Variants in DARS1 observed in about 807,000 individuals in gnomAD.
DARS1 encodes aspartyl-tRNA synthetase 1.
Under a neutral mutation model 68.8 loss-of-function variants are expected in DARS1, and 51 were observed. That is an observed-to-expected ratio of 0.74 (90% CI 0.59 to 0.94). The LOEUF is 0.94. Ranked by LOEUF, DARS1 falls within the 40% of genes least tolerant of loss-of-function variation. DARS1 has a pLI of 0.00. For missense variants in DARS1, 607 were observed against 597.3 expected (o/e 1.02, Z -0.17); for synonymous variants, 203 against 190.4 (o/e 1.07, Z -0.55).
chr2:135,911,875 CCTGT>C lies in DARS1; in HGVS notation c.1231-386_1231-383del, dbSNP rs139868324. ...ATTATTATTATTTTTACTTTAATCC[CCTGT>C]CTTTCAATAAACCAGTGGTTCCCAA... On this transcript the variant is annotated intron_variant, in intron 13 of 15. Coordinates refer to ENST00000264161, the MANE Select transcript of DARS1 (RefSeq NM_001349.4). Among the ~76,000 whole-genome samples, 521 of 152,198 alleles carry C rather than the reference CCTGT, an allele frequency of 3.4e-3. 2 individuals carry two copies. Among genetic ancestry groups the C allele is most frequent in the African/African-American group, 0.011 (476 of 41,524 alleles).
At chr2:135,965,961 T>C (rs1682224813) in intron 3 of DARS1, among the ~76,000 whole-genome samples, 2 of 152,192 alleles carry the variant, frequency 1.3e-5, no homozygotes, top group Admixed American at 1.3e-4. Flanking sequence ...TCTTGTCATG[T>C]ATTAGGAAAC....
chr2:135,972,662 T>C (rs1682399527), intron 3 of DARS1, among the ~76,000 whole-genome samples: 1 of 152,074 alleles, frequency 6.6e-6, no homozygotes, highest in African/African-American at 2.4e-5. Context: ...GACAAAGTAT[T>C]TACAAACTAC....
At chr2:135,918,827 CTTA>C (rs1681054368) in intron 10 of DARS1, among the ~76,000 whole-genome samples, 1 of 152,074 alleles carries the variant, frequency 6.6e-6, no homozygotes, top group African/African-American at 2.4e-5. Context: ...TATATTTTGT[CTTA>C]TAAGGAAAAT....
At chr2:135,932,888 T>C (rs1216498319) in intron 6 of DARS1, 46 bp from the exon 7 acceptor site, 1 of 883,942 alleles carries the variant, frequency 1.1e-6, no homozygotes, top group Admixed American at 2.1e-5. Flanking sequence ...TTTACTAATA[T>C]TTTGAAGAGC....
rs376527682 is a variant in DARS1 at position 135,957,259 on chromosome 2, G to A, written c.320+4137C>T. 4.1e-4 allele frequency among the ~76,000 whole-genome samples: 61 copies of A among 149,624 alleles called. 2 individuals are homozygous for A. In the East Asian group the frequency reaches 5.8e-3, roughly 14 times the overall value. On this transcript the variant is annotated intron_variant, in intron 4 of 15. Transcript: ENST00000264161. Reference sequence around the variant, plus strand: ...TTTTTTTTTTTTGAGACGGAGTCTCGCTCTGTCGCCCAGGCTGGAGTGCAG... The same window carrying A: ...TTTTTTTTTTTTGAGACGGAGTCTCACTCTGTCGCCCAGGCTGGAGTGCAG...
intron 3 of DARS1, 100 bp from the exon 4 acceptor site, chr2:135,961,598 A>C (rs1290937388): frequency 1.3e-6 from 1 of 744,818 alleles, no homozygotes; most frequent in African/African-American, 1.7e-5. Flanking sequence ...GCCAAAATTT[A>C]CTATACTCAT....
chr2:135,945,640 C>T (rs1331369777), intron 4 of DARS1, among the ~76,000 whole-genome samples: 1 of 152,152 alleles, frequency 6.6e-6, no homozygotes, highest in African/African-American at 2.4e-5. Flanking sequence ...ACTTTAATTT[C>T]GTAGTACTGA....
At chr2:135,960,476 A>T (rs1682075835) in intron 4 of DARS1, among the ~76,000 whole-genome samples, 1 of 152,230 alleles carries the variant, frequency 6.6e-6, no homozygotes, top group Non-Finnish European at 1.5e-5. Context: ...TCATAATTCC[A>T]TCTGTATTAA....
intron 10 of DARS1, 27 bp downstream of exon 10, chr2:135,920,426 C>A: frequency 6.3e-7 from 1 of 1,583,934 alleles, no homozygotes; most frequent in Non-Finnish European, 8.6e-7. Context: ...AAATTAAGTC[C>A]ATCTAGGTGC....
intron 4 of DARS1, among the ~76,000 whole-genome samples, chr2:135,954,790 A>G (rs1681928683): frequency 6.6e-6 from 1 of 152,156 alleles, no homozygotes; most frequent in Non-Finnish European, 1.5e-5. Context: ...AAAATACATG[A>G]CACCTGCTAC....
chr2:135,915,089 T>TA (rs1241417669), intron 11 of DARS1, among the ~76,000 whole-genome samples: 9 of 152,134 alleles, frequency 5.9e-5, no homozygotes, highest in Admixed American at 2.6e-4. Context: ...AGGCAATATT[T>TA]AAAGCCATAT....
Position 135,911,505 on chromosome 2 carries a change from A to G in DARS1, c.1231-12T>C. On this transcript the variant is annotated splice_polypyrimidine_tract_variant and intron_variant, in intron 13 of 15. Transcript: ENST00000264161. Reference sequence around the variant, plus strand: ...GAGTTGGACTGTTTCTGCAAGAGAAAAAACACCAGTCCTCAAGTGACTACC... The same window carrying G: ...GAGTTGGACTGTTTCTGCAAGAGAAGAAACACCAGTCCTCAAGTGACTACC... The G allele has an allele frequency of 1.2e-6, 1 of 865,706 alleles. No individual in the cohort carries two copies. 53.6% of individuals were successfully genotyped at this position (865,706 alleles called of 1,614,324 possible).
intron 12 of DARS1, among the ~76,000 whole-genome samples, chr2:135,912,810 T>G (rs1680924372): frequency 6.6e-6 from 1 of 152,038 alleles, no homozygotes; most frequent in South Asian, 2.1e-4. Context: ...TAAATTTTTT[T>G]TTTTTAAGAG....
intron 3 of DARS1, among the ~76,000 whole-genome samples, chr2:135,967,183 C>T (rs1407406001): frequency 1.3e-5 from 2 of 152,172 alleles, no homozygotes; most frequent in Non-Finnish European, 2.9e-5. Flanking sequence ...TGTACCTTAA[C>T]TTCCTAATAT....
At chr2:135,922,218 A>C (rs1681120765) in intron 9 of DARS1, among the ~76,000 whole-genome samples, 1 of 152,202 alleles carries the variant, frequency 6.6e-6, no homozygotes, top group South Asian at 2.1e-4. Flanking sequence ...AAAATAGTGA[A>C]ACAGAACAGC....
chr2:135,914,394 C>T lies in DARS1; in HGVS notation c.1149+75G>A, dbSNP rs1291667424. 3.6e-6 allele frequency: 3 copies of T among 839,276 alleles called. No homozygotes were observed. The South Asian group carries it at 4.1e-5, about 12-fold the overall frequency. 52.0% of individuals were successfully genotyped at this position (839,276 alleles called of 1,614,324 possible). ...TCATACCATTCTAGGAAGCTCAGAC[C>T]CCTCTGCAATTGTTTTTAGTCCCAA... On this transcript the variant is annotated intron_variant, in intron 12 of 15. Transcript: ENST00000264161.
intron 3 of DARS1, among the ~76,000 whole-genome samples, chr2:135,973,405 A>T (rs1228752849): frequency 2.0e-5 from 3 of 152,050 alleles, no homozygotes; most frequent in Non-Finnish European, 4.4e-5. Context: ...GAATAGAAAG[A>T]TAGTTAACAG....
intron 7 of DARS1, among the ~76,000 whole-genome samples, chr2:135,925,508 C>T (rs1681195170): frequency 6.6e-6 from 1 of 152,184 alleles, no homozygotes; most frequent in Non-Finnish European, 1.5e-5. Flanking sequence ...GATTACATTT[C>T]TTTCACTCTA....
chr2:135,985,139 G>A (rs917443948), intron 1 of DARS1: 2 of 519,336 alleles, frequency 3.9e-6, no homozygotes, highest in East Asian at 3.0e-5. Flanking sequence ...TACTTCCGGG[G>A]CGGCTGGTTC....
Sources: gnomAD v4.1 joint callset for allele counts (sites outside exome capture counted in the v4.1 genomes callset) on GRCh38, gnomAD v4.1.1 for gene constraint, MANE v1.5 for transcripts, NCBI Gene and HGNC (gene_info 2026-07-23, HGNC 2026-07-21) for gene names.